Variants in UBR2 observed in about 807,000 individuals in gnomAD.
UBR2 encodes ubiquitin protein ligase E3 component n-recognin 2.
UBR2 carries 92 observed loss-of-function variants against 247.9 expected under a neutral mutation model. The ratio of observed to expected loss-of-function variants is 0.37; its 90% CI spans 0.31 to 0.44. The LOEUF (loss-of-function observed/expected upper bound fraction) is 0.44, where lower values mean the gene tolerates loss of function less well. UBR2 is among the 20% of genes least tolerant of loss of function. The pLI, the probability that UBR2 is intolerant of heterozygous loss-of-function variation, is 1.00. For missense variants in UBR2, 1,613 were observed against 2,112.6 expected (o/e 0.76, Z 4.64); for synonymous variants, 672 against 693.5 (o/e 0.97, Z 0.49).
chr6:42,605,636 T>C (rs1053330324), intron 5 of UBR2, 85 bp from the exon 6 acceptor site: 39 of 1,289,780 alleles, frequency 3.0e-5, no homozygotes, highest in African/African-American at 2.4e-4. Context: ...GCACATTGCA[T>C]AGGACAAAGT....
intron 16 of UBR2, 128 bp from the exon 17 acceptor site, chr6:42,641,454 T>TAAC: frequency 1.8e-6 from 1 of 560,584 alleles, no homozygotes; most frequent in Non-Finnish European, 2.9e-6. Flanking sequence ...TCTCAAAAAA[T>TAAC]AATAATAATA....
At chr6:42,650,445 G>A (rs1562358860) in intron 23 of UBR2, 59 bp downstream of exon 23, 3 of 1,443,584 alleles carry the variant, frequency 2.1e-6, no homozygotes, top group East Asian at 4.6e-5. Context: ...CTTAAGAGAT[G>A]AGGTTTCACC....
Position 42,676,163 on chromosome 6 carries a change from C to T in UBR2, c.4359C>T (p.Ile1453=), listed in dbSNP as rs868040989. Residue 1453 remains isoleucine (I), a synonymous_variant, in exon 39 of 47, where the codon ATC becomes ATT. Coordinates refer to ENST00000372901, the MANE Select transcript of UBR2 (RefSeq NM_001363705.2). The stretch of plus-strand genomic sequence containing the variant: ...TCCATCTGGTTACTATGGCACACAT[C>T]ATACAGATCTTACTTACCTCATGTA... The part of the protein sequence containing the change: ...HIFHLVTMAH[I]IQILLTSCTE... 1 of 1,612,670 alleles carries T rather than the reference C, an allele frequency of 6.2e-7. No homozygotes were observed. The highest frequency in any genetic ancestry group is 8.5e-7 in the Non-Finnish European group (1 of 1,179,726).
intron 2 of UBR2, among the ~76,000 whole-genome samples, chr6:42,579,140 T>C (rs773938694): frequency 6.6e-6 from 1 of 152,170 alleles, no homozygotes; most frequent in Non-Finnish European, 1.5e-5. Flanking sequence ...TGCAAGACTG[T>C]ACAAGCATGG....
At chr6:42,576,139 T>G (rs898332852) in intron 2 of UBR2, among the ~76,000 whole-genome samples, 1 of 152,180 alleles carries the variant, frequency 6.6e-6, no homozygotes, top group African/African-American at 2.4e-5. Context: ...CTGGTTCTTT[T>G]TAGTGGAAAA....
intron 25 of UBR2, among the ~76,000 whole-genome samples, chr6:42,653,138 G>A (rs941105047): frequency 3.9e-5 from 6 of 152,152 alleles, no homozygotes; most frequent in Admixed American, 1.3e-4. Context: ...AAGCTGGAGT[G>A]CAGTGGTGCA....
chr6:42,654,948 C>T (rs932834069), intron 25 of UBR2, among the ~76,000 whole-genome samples: 3 of 152,078 alleles, frequency 2.0e-5, no homozygotes, highest in African/African-American at 7.2e-5. Flanking sequence ...ATGGGGGATA[C>T]GTTTAGCTTT....
At chr6:42,688,817 C>T (rs1256634036) in intron 45 of UBR2, among the ~76,000 whole-genome samples, 2 of 152,160 alleles carry the variant, frequency 1.3e-5, no homozygotes, top group Non-Finnish European at 2.9e-5. Context: ...TGCAGTAGTC[C>T]ACAGTGCAAA....
chr6:42,644,498 T>A lies in UBR2; in HGVS notation c.2246T>A (p.Leu749Gln). The A allele has an allele frequency of 6.2e-7, 1 of 1,611,858 alleles. No individual in the cohort carries two copies. Among genetic ancestry groups the A allele is most frequent in the Non-Finnish European group, 8.5e-7 (1 of 1,179,434 alleles). ...GATGTTGTTCAGCAGAACAATACTC[T>A]AATAGAAGAAATGCTATACCTCATT... ...HKDVVQQNNT[L>Q]IEEMLYLIIM... The change falls in exon 20 of 47, where the codon CTA (leucine) becomes CAA (glutamine). Residue 749 changes from leucine (L) to glutamine (Q), a missense_variant. This residue lies in a region of UBR2 where 1,524 missense variants were observed against 1,967.3 expected (regional missense o/e 0.77). Coordinates refer to ENST00000372901, the MANE Select transcript of UBR2 (RefSeq NM_001363705.2).
intron 14 of UBR2, among the ~76,000 whole-genome samples, chr6:42,636,152 G>A (rs1047668831): frequency 1.3e-5 from 2 of 150,658 alleles, no homozygotes; most frequent in South Asian, 4.2e-4. Context: ...GTGATTTTTC[G>A]GGGCCTTGGC....
At chr6:42,633,718 T>TTTG (rs1795907654) in intron 13 of UBR2, among the ~76,000 whole-genome samples, 1 of 148,656 alleles carries the variant, frequency 6.7e-6, no homozygotes, top group East Asian at 2.0e-4. Context: ...TTTTGTTTGT[T>TTTG]TTTTGTTTTG....
rs559139817 is a variant in UBR2 at position 42,682,245 on chromosome 6, C to T, written c.4719-810C>T. Among the ~76,000 whole-genome samples the T allele has an allele frequency of 8.5e-5, 13 of 152,070 alleles. No individual in the cohort carries two copies. In the South Asian group the frequency reaches 2.7e-3, roughly 32 times the overall value. ...AAACAGAAAGTAGAATGGTGGTTCC[C>T]AGGGGCTGGGAGAAGGAATTTTGCA... On this transcript the variant is annotated intron_variant, in intron 42 of 46. Transcript: ENST00000372901.
intron 45 of UBR2, among the ~76,000 whole-genome samples, chr6:42,688,932 G>C (rs1042398276): frequency 6.6e-6 from 1 of 152,184 alleles, no homozygotes; most frequent in African/African-American, 2.4e-5. Context: ...AAATAAAGCA[G>C]GGAAGGGGAA....
intron 4 of UBR2, 22 bp from the exon 5 acceptor site, chr6:42,603,566 T>G: frequency 6.5e-7 from 1 of 1,537,044 alleles, no homozygotes; most frequent in Non-Finnish European, 8.7e-7. Flanking sequence ...TCTTTTTCTT[T>G]TTTTTCTGTT....
intron 20 of UBR2, among the ~76,000 whole-genome samples, chr6:42,645,041 C>T (rs1177762562): frequency 6.6e-6 from 1 of 152,008 alleles, no homozygotes; most frequent in Non-Finnish European, 1.5e-5. Flanking sequence ...GTCCATAGAG[C>T]AGAGAATCCT....
chr6:42,656,483 C>A (rs1300554087), intron 26 of UBR2, among the ~76,000 whole-genome samples: 1 of 152,188 alleles, frequency 6.6e-6, no homozygotes, highest in Non-Finnish European at 1.5e-5. Context: ...CGCTTTCCAG[C>A]CCAAAAGATG....
intron 25 of UBR2, among the ~76,000 whole-genome samples, chr6:42,653,010 A>G (rs1797211189): frequency 6.6e-6 from 1 of 152,206 alleles, no homozygotes; most frequent in Admixed American, 6.5e-5. Context: ...TTGTAGTTGA[A>G]GAAACTGACA....
intron 25 of UBR2, among the ~76,000 whole-genome samples, chr6:42,655,223 A>G (rs569364341): frequency 6.6e-6 from 1 of 152,324 alleles, no homozygotes; most frequent in South Asian, 2.1e-4. Context: ...CACGCCTTTA[A>G]TCCCAGCACT....
intron 32 of UBR2, among the ~76,000 whole-genome samples, chr6:42,665,138 G>A (rs113536997): frequency 6.6e-6 from 1 of 152,096 alleles, no homozygotes; most frequent in Non-Finnish European, 1.5e-5. Context: ...TAATAGTGAT[G>A]GTGATTATGA....
Sources: gnomAD v4.1 joint callset for allele counts (sites outside exome capture counted in the v4.1 genomes callset) on GRCh38, gnomAD v4.1.1 for gene constraint, gnomAD v4.1.1 regional missense constraint, MANE v1.5 for transcripts, NCBI Gene and HGNC (gene_info 2026-07-23, HGNC 2026-07-21) for gene names.